Variants in ACE observed in about 807,000 individuals in gnomAD.
ACE encodes the protein angiotensin I converting enzyme.
Under a neutral mutation model 162.3 loss-of-function variants are expected in ACE, and 122 were observed. That is an observed-to-expected ratio of 0.75 (90% CI 0.65 to 0.87). The LOEUF (loss-of-function observed/expected upper bound fraction) is 0.87. Among genes scored for constraint, ACE ranks in the 40% least tolerant of loss-of-function variants. The probability of loss-of-function intolerance (pLI) is 0.00; values close to 1 mark genes in which losing one functional copy is unlikely to be tolerated. For synonymous variants in ACE, 796 were observed against 720.6 expected, an observed-to-expected ratio of 1.10 and a Z score of -1.68; for missense variants, 1,799 against 1,735.1, an observed-to-expected ratio of 1.04 and a Z score of -0.65.
intron 23 of ACE, 129 bp from the exon 24 acceptor site, chr17:63,496,669 T>G: frequency 1.3e-6 from 2 of 1,570,514 alleles, no homozygotes; most frequent in Non-Finnish European, 1.7e-6. Context: ...TGCCATCTCC[T>G]TAGGCACCTG....
rs1364032855 is a variant in ACE at position 63,481,089 on chromosome 17, A to G, written c.848-2A>G. On this transcript the variant is annotated splice_acceptor_variant, in intron 5 of 24. Coordinates refer to ENST00000290866, the MANE Select transcript of ACE (RefSeq NM_000789.4). LOFTEE classifies it high-confidence loss of function. ...AAGCTGTCCCCTTCCTTCCTTATCTAGGAGACATGTGGGCCCAGAGCTGGG... is the reference window on the plus strand; with the variant it reads ...AAGCTGTCCCCTTCCTTCCTTATCTGGGAGACATGTGGGCCCAGAGCTGGG... 4 of 1,613,908 alleles carry G rather than the reference A, an allele frequency of 2.5e-6. No homozygotes were observed. Among genetic ancestry groups the G allele is most frequent in the Admixed American group, 1.7e-5 (1 of 60,018 alleles).
At position 63,491,440 on chromosome 17, in the gene ACE, C is replaced by G; in HGVS notation, c.2912+59C>G. The G allele has an allele frequency of 1.2e-6, 2 of 1,605,436 alleles. No individual in the cohort carries two copies. The highest frequency in any genetic ancestry group is 1.7e-6 in the Non-Finnish European group (2 of 1,173,730). On this transcript the variant is annotated intron_variant, in intron 19 of 24. Coordinates refer to ENST00000290866, the MANE Select transcript of ACE (RefSeq NM_000789.4). This position sits in a 1 kb window ranked among gnomAD's most constrained non-coding sequence, Gnocchi z 4.4. ...AGCCCCACGGGCAAGGGAAATGAAC[C>G]AAGCAAAGGGTCCACTACTGTCCCC...
chr17:63,483,195 C>A, intron 9 of ACE, 22 bp downstream of exon 9: 1 of 1,612,910 alleles, frequency 6.2e-7, no homozygotes, highest in Non-Finnish European at 8.5e-7. Flanking sequence ...GATAGAAAAG[C>A]CTTCGCCCCA....
intron 7 of ACE, among the ~76,000 whole-genome samples, chr17:63,482,188 C>T (rs1020839299): frequency 2.0e-5 from 3 of 152,014 alleles, no homozygotes; most frequent in Admixed American, 2.0e-4. Context: ...GTAATCCCAG[C>T]TACTCAGGAG....
intron 9 of ACE, 117 bp from the exon 10 acceptor site, chr17:63,483,343 T>C: frequency 6.8e-7 from 1 of 1,465,844 alleles, no homozygotes; most frequent in Non-Finnish European, 9.5e-7. Context: ...CCAGGAAGTC[T>C]TCCCCAGTTC....
chr17:63,488,593 T>C (rs768598016), intron 15 of ACE, 55 bp from the exon 16 acceptor site: 1 of 1,581,368 alleles, frequency 6.3e-7, no homozygotes. Flanking sequence ...TGAGCTCCCC[T>C]TACAAGCAGA....
At position 63,491,315 on chromosome 17, in the gene ACE, C is replaced by G; in HGVS notation, c.2846C>G (p.Pro949Arg). ...TGGAACAAGTCGATGCTGGAGAAGC[C>G]AACCGACGGGCGGGAGGTGGTCTGC... The part of the protein sequence containing the change: ...EFWNKSMLEK[P>R]TDGREVVCHA... Residue 949 changes from proline (P) to arginine (R), a missense_variant, in exon 19 of 25, where the codon CCA becomes CGA. Coordinates refer to ENST00000290866, the MANE Select transcript of ACE (RefSeq NM_000789.4). The surrounding 1 kb of genome is among the most constrained non-coding windows in gnomAD (Gnocchi z 4.4). 4.3e-6 allele frequency: 7 copies of G among 1,614,162 alleles called. No homozygotes were observed. Among genetic ancestry groups the G allele is most frequent in the Non-Finnish European group, 5.9e-6 (7 of 1,180,032 alleles).
At chr17:63,477,496 C>A in intron 1 of ACE, 153 bp downstream of exon 1, 2 of 469,564 alleles carry the variant, frequency 4.3e-6, no homozygotes, top group Non-Finnish European at 5.8e-6. Flanking sequence ...GGGGCCCGAG[C>A]GCCGGGCTGC....
chr17:63,493,587 C>A lies in ACE; in HGVS notation c.3064C>A (p.Leu1022Ile). 6.2e-7 allele frequency: 1 copy of A among 1,614,198 alleles called. No homozygotes were observed. Among genetic ancestry groups the A allele is most frequent in the Non-Finnish European group, 8.5e-7 (1 of 1,180,026 alleles). ...CTTCCATGAGGCCATTGGGGACGTG[C>A]TAGCCCTCTCAGTGTCTACGCCCAA... ...PGFHEAIGDVLALSVSTPKHL... is the reference protein window; with the variant it reads ...PGFHEAIGDVIALSVSTPKHL... The change falls in exon 20 of 25, where the codon CTA becomes ATA. Residue 1022 changes from leucine (L) to isoleucine (I), a missense_variant. Physicochemically the swap from Leu to Ile is conservative, Grantham distance 5. Coordinates refer to ENST00000290866, the MANE Select transcript of ACE (RefSeq NM_000789.4).
Position 63,477,990 on chromosome 17 carries a change from G to T in ACE, c.309G>T (p.Glu103Asp), listed in dbSNP as rs1439594637. ...FAEAWGQKAK[E>D]LYEPIWQNFT... The stretch of plus-strand genomic sequence containing the variant: ...AGGCCTGGGGCCAGAAGGCCAAGGA[G>T]CTGTATGAACCGATCTGGCAGAACT... The change falls in exon 2 of 25, where the codon GAG becomes GAT. Residue 103 changes from glutamate to aspartate, a missense_variant. Transcript: ENST00000290866. 6.2e-7 allele frequency: 1 copy of T among 1,612,264 alleles called. No homozygotes were observed. The highest frequency in any genetic ancestry group is 1.7e-4 in the Middle Eastern group (1 of 6,060).
At chr17:63,496,761 C>T (rs1020329649) in intron 23 of ACE, 37 bp from the exon 24 acceptor site, 2 of 1,608,410 alleles carry the variant, frequency 1.2e-6, no homozygotes, top group South Asian at 1.1e-5. Flanking sequence ...GGGGCCATGT[C>T]CTTCTGACTC....
intron 3 of ACE, 40 bp from the exon 4 acceptor site, chr17:63,479,729 G>C (rs760162366): frequency 6.2e-7 from 1 of 1,611,524 alleles, no homozygotes; most frequent in Non-Finnish European, 8.5e-7. Context: ...AGACTTCAAC[G>C]TGGAGGCCTC....
Position 63,483,567 on chromosome 17 carries a change from G to GCGGGGGGGGGGCCCCCCC in ACE, c.1586+10_1586+11insGGGGGGGGGGCCCCCCCC. 3 of 1,589,454 alleles carry GCGGGGGGGGGGCCCCCCC rather than the reference G, an allele frequency of 1.9e-6. No homozygotes were observed. Among genetic ancestry groups the GCGGGGGGGGGGCCCCCCC allele is most frequent in the Non-Finnish European group, 2.6e-6 (3 of 1,165,610 alleles). On this transcript the variant is annotated intron_variant, in intron 10 of 24. Coordinates refer to ENST00000290866, the MANE Select transcript of ACE (RefSeq NM_000789.4). The stretch of plus-strand genomic sequence containing the variant: ...GTGACACCATACATCAGGTATTAGC[G>GCGGGGGGGGGGCCCCCCC]CCCCCACCCCACCCACCCCCAGTAC...
At chr17:63,481,950 C>T (rs913030190) in intron 7 of ACE, among the ~76,000 whole-genome samples, 1 of 152,110 alleles carries the variant, frequency 6.6e-6, no homozygotes, top group African/African-American at 2.4e-5. Flanking sequence ...ACTTCTATAC[C>T]TTGGAATGGA....
chr17:63,486,675 A>T lies in ACE; in HGVS notation c.2177A>T (p.Asp726Val), dbSNP rs1420953232. 1 of 1,614,258 alleles carries T rather than the reference A, an allele frequency of 6.2e-7. No individual in the cohort carries two copies. Among genetic ancestry groups the T allele is most frequent in the Admixed American group, 1.7e-5 (1 of 60,032 alleles). ...AAGCGGATCATAAAGAAGGTTCAGG[A>T]CCTAGAACGGGCAGCACTGCCTGCC... The part of the protein sequence containing the change: ...TIKRIIKKVQ[D>V]LERAALPAQE... Residue 726 changes from aspartate to valine, a missense_variant, in exon 14 of 25, where the codon GAC (aspartate) becomes GTC (valine). By Grantham distance (152) the Asp-to-Val change is radical. Transcript: ENST00000290866.
Position 63,478,993 on chromosome 17 carries a change from C to G in ACE, c.418-14C>G. ...GGCTGGTCACTGGAGCATTCCTCCCCTCTGACTCCCCAGTACAACGCCCTG... is the reference window on the plus strand; with the variant it reads ...GGCTGGTCACTGGAGCATTCCTCCCGTCTGACTCCCCAGTACAACGCCCTG... On this transcript the variant is annotated splice_polypyrimidine_tract_variant and intron_variant, in intron 2 of 24. Coordinates refer to ENST00000290866, the MANE Select transcript of ACE (RefSeq NM_000789.4). 1.2e-6 allele frequency: 2 copies of G among 1,610,974 alleles called. No individual in the cohort carries two copies. The highest frequency in any genetic ancestry group is 1.7e-6 in the Non-Finnish European group (2 of 1,178,080).
chr17:63,492,037 C>T (rs891953414), intron 19 of ACE, among the ~76,000 whole-genome samples: 7 of 152,166 alleles, frequency 4.6e-5, no homozygotes, highest in East Asian at 1.9e-4. Context: ...TTGAGGTCCT[C>T]GGTTTTTCCC....
chr17:63,497,473 C>T lies in ACE; in HGVS notation c.*107C>T, dbSNP rs556572578. 5.9e-6 allele frequency: 6 copies of T among 1,021,628 alleles called. No individual in the cohort carries two copies. Among genetic ancestry groups the T allele is most frequent in the Admixed American group, 2.0e-5 (1 of 50,214 alleles). 63.3% of individuals were successfully genotyped at this position (1,021,628 alleles called of 1,614,324 possible). A position where few individuals can be genotyped will look rare whatever the true frequency, so the allele number is the denominator to read the frequency against. ...ACCCCACACCCCAGCCCACCCTGCT[C>T]CTCCTGCCCTGTCCCTGTCCCCCTC... On this transcript the variant is annotated 3_prime_UTR_variant, in exon 25 of 25. Transcript: ENST00000290866.
At position 63,486,599 on chromosome 17, in the gene ACE, G is replaced by T. The variant is rs1172339137; in HGVS notation, c.2101G>T (p.Gly701Cys). 1 of 1,614,070 alleles carries T rather than the reference G, an allele frequency of 6.2e-7. No individual in the cohort carries two copies. Among genetic ancestry groups the T allele is most frequent in the South Asian group, 1.1e-5 (1 of 91,090 alleles). ...MQIANHTLKY[G>C]TQARKFDVNQ... ...AATAGCCAACCACACCCTGAAGTAC[G>T]GCACCCAGGCCAGGAAGTTTGATGT... Residue 701 changes from glycine (G) to cysteine (C), a missense_variant, in exon 14 of 25, where the codon GGC becomes TGC. Coordinates refer to ENST00000290866, the MANE Select transcript of ACE (RefSeq NM_000789.4).
Sources: allele counts gnomAD v4.1 joint callset (sites outside exome capture counted in the v4.1 genomes callset), GRCh38; gene constraint gnomAD v4.1.1; non-coding constraint Gnocchi (gnomAD v3.1); transcripts MANE v1.5; gene names NCBI Gene and HGNC (gene_info 2026-07-23, HGNC 2026-07-21).